USP49: variants seen among roughly 807,000 people sequenced by gnomAD.
USP49 encodes ubiquitin carboxyl-terminal hydrolase 49.
A neutral mutation model predicts 58.6 loss-of-function variants in USP49; 24 were observed. The observed-to-expected ratio is 0.41, with a 90% CI of 0.30 to 0.58. The LOEUF (loss-of-function observed/expected upper bound fraction) is 0.58, where lower values mean the gene tolerates loss of function less well. Ranked by LOEUF, USP49 falls within the 20% of genes least tolerant of loss-of-function variation. The pLI is 0.30. For missense variants in USP49, 703 were observed against 866.1 expected, an observed-to-expected ratio of 0.81 and a Z score of 2.36; for synonymous variants, 408 against 365.1, an observed-to-expected ratio of 1.12 and a Z score of -1.34.
intron 3 of USP49, among the ~76,000 whole-genome samples, chr6:41,853,143 G>A (rs184445046): frequency 2.6e-5 from 4 of 152,184 alleles, no homozygotes; most frequent in African/African-American, 7.2e-5. Context: ...CCGAGATGGC[G>A]CCATTGCACT....
At chr6:41,810,630 T>A (rs1421211004) in intron 3 of USP49, among the ~76,000 whole-genome samples, 2 of 147,888 alleles carry the variant, frequency 1.4e-5, no homozygotes, top group African/African-American at 5.0e-5. Context: ...CAGTGCAACC[T>A]CCATCTCCCA....
chr6:41,802,464 A>ATTTTTTTTTTTTTTTTTT (rs1272102736), intron 5 of USP49, among the ~76,000 whole-genome samples: 3 of 73,698 alleles, frequency 4.1e-5, no homozygotes, highest in African/African-American at 1.6e-4. Context: ...TTATTTATTT[A>ATTTTTTTTTTTTTTTTTT]TTTATTTTTT....
At chr6:41,843,708 G>C (rs1326585874) in intron 3 of USP49, among the ~76,000 whole-genome samples, 1 of 152,104 alleles carries the variant, frequency 6.6e-6, no homozygotes, top group Non-Finnish European at 1.5e-5. Flanking sequence ...AGGAGTTCCA[G>C]ACAAGCCTGG....
Position 41,806,801 on chromosome 6 carries a change from C to G in USP49, c.183G>C (p.Thr61=). 4.3e-6 allele frequency: 7 copies of G among 1,614,188 alleles called. No homozygotes were observed. The highest frequency in any genetic ancestry group is 5.9e-6 in the Non-Finnish European group (7 of 1,180,036). ...EDHALKHFEE[T]GHPLAMEVRD... is the part of the protein sequence containing the mutation. ...GGACTTCCATGGCTAGCGGGTGTCC[C>G]GTCTCCTCAAAGTGTTTCAGGGCGT... Residue 61 remains threonine, a synonymous_variant, in exon 4 of 8, where the codon ACG becomes ACC. Coordinates refer to ENST00000682992, the MANE Select transcript of USP49 (RefSeq NM_001286554.2). This position sits in a 1 kb window ranked among gnomAD's most constrained non-coding sequence, Gnocchi z 5.9.
intron 3 of USP49, among the ~76,000 whole-genome samples, chr6:41,845,462 GTA>G (rs1210467678): frequency 1.8e-4 from 27 of 152,082 alleles, no homozygotes; most frequent in Middle Eastern, 6.8e-3. Context: ...GGAGGTTGTG[GTA>G]AGCTGAGATG....
chr6:41,851,038 G>A (rs986321330), intron 3 of USP49, among the ~76,000 whole-genome samples: 1 of 152,032 alleles, frequency 6.6e-6, no homozygotes, highest in Non-Finnish European at 1.5e-5. Flanking sequence ...GGACCAGATG[G>A]CTTCACTAGA....
Position 41,794,335 on chromosome 6 carries a change from CTA to C in USP49, c.*2196_*2197del, listed in dbSNP as rs1177822524. The C allele has an allele frequency of 1.3e-5, 2 of 152,170 alleles. No homozygotes were observed. Among genetic ancestry groups the C allele is most frequent in the Admixed American group, 6.5e-5 (1 of 15,270 alleles). The allele number at this position is 152,170 out of a possible 1,614,324, so 9.4% of individuals were successfully genotyped here. ...AATCCTTATAATATTTGGTATAAAACTATTTTTAAAAATTAAATTGGAAGATC... is the reference window on the plus strand; with the variant it reads ...AATCCTTATAATATTTGGTATAAAACTTTTTAAAAATTAAATTGGAAGATC... On this transcript the variant is annotated 3_prime_UTR_variant, in exon 8 of 8. Coordinates refer to ENST00000682992, the MANE Select transcript of USP49 (RefSeq NM_001286554.2).
intron 5 of USP49, 123 bp from the exon 6 acceptor site, chr6:41,800,061 T>C (rs1374623373): frequency 1.2e-6 from 1 of 803,570 alleles, no homozygotes. Context: ...CCTCAATTTT[T>C]TGGGGGGCGC....
At chr6:41,860,802 G>A (rs906247287) in intron 3 of USP49, among the ~76,000 whole-genome samples, 9 of 151,914 alleles carry the variant, frequency 5.9e-5, no homozygotes, top group African/African-American at 1.9e-4. Flanking sequence ...GAGCCACCGC[G>A]CCCGGCAGAT....
At chr6:41,849,615 T>C (rs1773985866) in intron 3 of USP49, among the ~76,000 whole-genome samples, 1 of 151,546 alleles carries the variant, frequency 6.6e-6, no homozygotes, top group African/African-American at 2.4e-5. Flanking sequence ...TTCTTTCTTT[T>C]TTTTTTTTTT....
intron 2 of USP49, among the ~76,000 whole-genome samples, chr6:41,889,323 G>A (rs1487298655): frequency 4.6e-5 from 7 of 152,128 alleles, no homozygotes; most frequent in Non-Finnish European, 1.0e-4. Flanking sequence ...ATGAGCCACC[G>A]CACGCAGCCA....
At chr6:41,894,277 C>T (rs1029462526) in intron 1 of USP49, 1 of 152,408 alleles carries the variant, frequency 6.6e-6, no homozygotes, top group African/African-American at 2.4e-5. Context: ...ATCCTTGTCC[C>T]AGATGGCCAT....
At chr6:41,833,021 T>TC in intron 3 of USP49, 1 of 104,624 alleles carries the variant, frequency 9.6e-6, no homozygotes, top group East Asian at 3.3e-4. Context: ...TTCTTTTTTC[T>TC]TTTTTTTTTT....
At chr6:41,869,499 C>A (rs187820319) in intron 3 of USP49, 11 of 152,102 alleles carry the variant, frequency 7.2e-5, no homozygotes, top group Admixed American at 5.2e-4. Context: ...TCACTTGAGG[C>A]CAGGAGTTCA....
rs184852177 is a variant in USP49 at position 41,790,405 on chromosome 6, G to T, written c.*6128C>A. The T allele has an allele frequency of 6.6e-6, 1 of 152,286 alleles. No individual in the cohort carries two copies. The highest frequency in any genetic ancestry group is 1.9e-4 in the East Asian group (1 of 5,184). The allele number at this position is 152,286 out of a possible 1,614,324, so 9.4% of individuals were successfully genotyped here. ...ACTGTCCAGGGTTTGGGGGCTCTTT[G>T]GAAATGGAGTATGTACGGAACTGGC... is the stretch of plus-strand genomic sequence containing the variant. On this transcript the variant is annotated 3_prime_UTR_variant, in exon 8 of 8. Coordinates refer to ENST00000682992, the MANE Select transcript of USP49 (RefSeq NM_001286554.2).
At chr6:41,868,765 T>TTTG (rs1366959763) in intron 3 of USP49, 1 of 152,064 alleles carries the variant, frequency 6.6e-6, no homozygotes, top group Non-Finnish European at 1.5e-5. Flanking sequence ...CTGTTTCTGT[T>TTTG]TTGTTGTTGT....
intron 2 of USP49, among the ~76,000 whole-genome samples, chr6:41,888,000 A>G (rs527338300): frequency 4.7e-5 from 7 of 149,596 alleles, no homozygotes; most frequent in Non-Finnish European, 8.9e-5. Flanking sequence ...ACAATTTGTA[A>G]TTTTTTCATC....
At chr6:41,838,652 A>G (rs528590996) in intron 3 of USP49, among the ~76,000 whole-genome samples, 253 of 152,284 alleles carry the variant, frequency 1.7e-3, no homozygotes, top group African/African-American at 5.8e-3. Flanking sequence ...TTCCACTGAA[A>G]TAGTCTACCC....
intron 3 of USP49, chr6:41,869,829 C>T (rs992621734): frequency 6.6e-6 from 1 of 152,068 alleles, no homozygotes; most frequent in Non-Finnish European, 1.5e-5. Flanking sequence ...GTGTAGCCTG[C>T]TTTACAAGAT....
Sources: gnomAD v4.1 joint callset for allele counts (sites outside exome capture counted in the v4.1 genomes callset) on GRCh38, gnomAD v4.1.1 for gene constraint, Gnocchi (gnomAD v3.1) non-coding constraint, MANE v1.5 for transcripts, NCBI Gene and HGNC (gene_info 2026-07-23, HGNC 2026-07-21) for gene names.